ARID1B: variants seen among roughly 807,000 people sequenced by gnomAD.
The protein encoded by ARID1B is AT-rich interactive domain-containing protein 1B.
A neutral mutation model predicts 212.3 loss-of-function variants in ARID1B; 30 were observed. The ratio of observed to expected loss-of-function variants is 0.14; its 90% CI spans 0.11 to 0.19. The LOEUF (loss-of-function observed/expected upper bound fraction) is 0.19, where lower values mean the gene tolerates loss of function less well. ARID1B is among the 10% of genes least tolerant of loss of function. The pLI is 1.00. For synonymous variants in ARID1B, 1,402 were observed against 1,301.7 expected (o/e 1.08, Z -1.66); for missense variants, 2,891 against 3,204.0 (o/e 0.90, Z 2.36).
chr6:157,144,075 T>C (rs1404274915), intron 7 of ARID1B, among the ~76,000 whole-genome samples: 1 of 152,254 alleles, frequency 6.6e-6, no homozygotes, highest in Non-Finnish European at 1.5e-5. Flanking sequence ...GGCAAAGCTA[T>C]TGAAACACAG....
chr6:157,052,333 A>T (rs1028291879), intron 4 of ARID1B, among the ~76,000 whole-genome samples: 7 of 152,226 alleles, frequency 4.6e-5, no homozygotes, highest in African/African-American at 1.7e-4. Context: ...ATTGAATGGT[A>T]ATAGATCCGT....
Position 157,207,964 on chromosome 6 carries a change from T to A in ARID1B, c.*73T>A. ...TATAACTGGCTGTTTTCTGTTCTTGTTTATCCAGCGTAGGAAGAAGGAAAA... is the reference window on the plus strand; with the variant it reads ...TATAACTGGCTGTTTTCTGTTCTTGATTATCCAGCGTAGGAAGAAGGAAAA... On this transcript the variant is annotated 3_prime_UTR_variant, in exon 20 of 20. Coordinates refer to ENST00000636930, the MANE Select transcript of ARID1B (RefSeq NM_001374828.1). The surrounding 1 kb of genome is among the most constrained non-coding windows in gnomAD (Gnocchi z 8.5). 7.2e-7 allele frequency: 1 copy of A among 1,397,428 alleles called. No homozygotes were observed. Among genetic ancestry groups the A allele is most frequent in the Non-Finnish European group, 9.3e-7 (1 of 1,070,580 alleles). The allele number at this position is 1,397,428 out of a possible 1,614,324, so 86.6% of individuals were successfully genotyped here.
intron 1 of ARID1B, among the ~76,000 whole-genome samples, chr6:156,795,804 T>A (rs1260266498): frequency 6.6e-6 from 1 of 152,134 alleles, no homozygotes. Context: ...AGTACAGTAC[T>A]GGGAAGTTTC....
chr6:157,038,394 C>G (rs1399189165), intron 4 of ARID1B, among the ~76,000 whole-genome samples: 7 of 152,016 alleles, frequency 4.6e-5, no homozygotes, highest in East Asian at 3.8e-4. Context: ...CTTGACATTT[C>G]AAAAGCACAG....
chr6:157,048,023 G>A (rs185141322), intron 4 of ARID1B, among the ~76,000 whole-genome samples: 5 of 152,272 alleles, frequency 3.3e-5, no homozygotes, highest in Admixed American at 6.5e-5. Flanking sequence ...TTTTGATTGC[G>A]TGTGTTTTAG....
chr6:157,009,013 AC>A (rs1430624978), intron 4 of ARID1B, among the ~76,000 whole-genome samples: 1 of 152,194 alleles, frequency 6.6e-6, no homozygotes, highest in East Asian at 1.9e-4. Context: ...TTTTAGGCCA[AC>A]CCTTCATATA....
chr6:157,070,667 G>C (rs879571689), intron 4 of ARID1B, among the ~76,000 whole-genome samples: 1 of 152,154 alleles, frequency 6.6e-6, no homozygotes, highest in African/African-American at 2.4e-5. Flanking sequence ...GCCCTTTGCA[G>C]GTCTCCTGGC....
At chr6:156,783,191 C>A (rs950932015) in intron 1 of ARID1B, among the ~76,000 whole-genome samples, 9 of 151,812 alleles carry the variant, frequency 5.9e-5, no homozygotes, top group Non-Finnish European at 1.3e-4. Flanking sequence ...CCATTTTTCT[C>A]AATGTCATAG....
At chr6:157,086,782 G>A (rs534036759) in intron 5 of ARID1B, among the ~76,000 whole-genome samples, 2 of 152,298 alleles carry the variant, frequency 1.3e-5, no homozygotes, top group South Asian at 4.1e-4. Context: ...TTTTACAGAG[G>A]AAGTAGCTCA....
Position 157,148,218 on chromosome 6 carries a change from G to A in ARID1B, c.2762-406G>A, listed in dbSNP as rs530241917. 4.6e-5 allele frequency among the ~76,000 whole-genome samples: 7 copies of A among 152,230 alleles called. No homozygotes were observed. Among genetic ancestry groups the A allele is most frequent in the African/African-American group, 1.7e-4 (7 of 41,522 alleles). ...CCCTTTCACATGACTGTTGAAGGTAGCAGTGATCTAGTGGTGTGATCTCAA... is the reference window on the plus strand; with the variant it reads ...CCCTTTCACATGACTGTTGAAGGTAACAGTGATCTAGTGGTGTGATCTCAA... On this transcript the variant is annotated intron_variant, in intron 7 of 19. Transcript: ENST00000636930. The surrounding 1 kb of genome is among the most constrained non-coding windows in gnomAD (Gnocchi z 5.6).
chr6:156,990,678 G>T (rs2128403917), intron 4 of ARID1B, among the ~76,000 whole-genome samples: 1 of 152,136 alleles, frequency 6.6e-6, no homozygotes, highest in African/African-American at 2.4e-5. Context: ...CTTTTGTAGA[G>T]ACAGGGTCTC....
At chr6:156,928,540 A>G (rs1451678317) in intron 3 of ARID1B, among the ~76,000 whole-genome samples, 1 of 152,168 alleles carries the variant, frequency 6.6e-6, no homozygotes, top group Non-Finnish European at 1.5e-5. Flanking sequence ...TCCAAACATT[A>G]AGGATGCAGT....
chr6:157,192,068 A>G (rs554383034), intron 15 of ARID1B, among the ~76,000 whole-genome samples: 49 of 152,190 alleles, frequency 3.2e-4, no homozygotes, highest in Non-Finnish European at 6.3e-4. Flanking sequence ...TTTTCTTTCA[A>G]AAGTTTCAGG....
intron 3 of ARID1B, among the ~76,000 whole-genome samples, chr6:156,911,447 C>T (rs1431240868): frequency 6.9e-6 from 1 of 144,448 alleles, no homozygotes; most frequent in East Asian, 2.2e-4. Context: ...GTCACTCTTA[C>T]ACATTGCAGG....
At chr6:156,786,635 A>G (rs547550183) in intron 1 of ARID1B, among the ~76,000 whole-genome samples, 1 of 152,286 alleles carries the variant, frequency 6.6e-6, no homozygotes, top group African/African-American at 2.4e-5. Flanking sequence ...AGCAATAGTT[A>G]TTTCTTTAAG....
intron 6 of ARID1B, among the ~76,000 whole-genome samples, chr6:157,120,571 TA>T (rs1390286102): frequency 2.0e-5 from 3 of 152,210 alleles, no homozygotes; most frequent in Non-Finnish European, 2.9e-5. Flanking sequence ...GTAACGAGAA[TA>T]TTTTTTTAAA....
intron 6 of ARID1B, among the ~76,000 whole-genome samples, chr6:157,113,312 A>C (rs1356754345): frequency 6.6e-6 from 1 of 152,296 alleles, no homozygotes; most frequent in East Asian, 1.9e-4. Context: ...CCTCCTCTGA[A>C]AGACTGTGAG....
rs765521754 is a variant in ARID1B at position 156,777,900 on chromosome 6, C to T, written c.220C>T (p.His74Tyr). Reference protein sequence around the residue: ...GGGGLNSVHHHPLLPRHELNM... With the variant: ...GGGGLNSVHHYPLLPRHELNM... ...CGGCGGCCTGAACAGTGTGCACCACCACCCCCTGCTCCCCCGTCACGAACT... is the reference window on the plus strand; with the variant it reads ...CGGCGGCCTGAACAGTGTGCACCACTACCCCCTGCTCCCCCGTCACGAACT... Residue 74 changes from histidine to tyrosine, a missense_variant, in exon 1 of 20, where the codon CAC becomes TAC. Physicochemically the swap from His to Tyr is moderately conservative, Grantham distance 83. This residue lies in a region of ARID1B where 1,643 missense variants were observed against 1,544.0 expected (regional missense o/e 1.06). Coordinates refer to ENST00000636930, the MANE Select transcript of ARID1B (RefSeq NM_001374828.1). 3 of 1,502,644 alleles carry T rather than the reference C, an allele frequency of 2.0e-6. No individual in the cohort carries two copies. Among genetic ancestry groups the T allele is most frequent in the South Asian group, 2.5e-5 (2 of 79,198 alleles). 93.1% of individuals were successfully genotyped at this position (1,502,644 alleles called of 1,614,324 possible).
intron 4 of ARID1B, among the ~76,000 whole-genome samples, chr6:157,055,588 G>T (rs886173005): frequency 6.6e-6 from 1 of 152,138 alleles, no homozygotes; most frequent in African/African-American, 2.4e-5. Flanking sequence ...ATCTCCTCTG[G>T]TGAGATTTGA....
Sources: allele counts gnomAD v4.1 joint callset (sites outside exome capture counted in the v4.1 genomes callset), GRCh38; gene constraint gnomAD v4.1.1; regional missense constraint gnomAD v4.1.1; non-coding constraint Gnocchi (gnomAD v3.1); transcripts MANE v1.5; gene names NCBI Gene and HGNC (gene_info 2026-07-23, HGNC 2026-07-21).